The following GALNT11 variants were observed in gnomAD, a reference collection of about 807,000 sequenced individuals.
GALNT11 encodes UDP-GalNAc:polypeptide N-acetylgalactosaminyltransferase 11.
In GALNT11, 47 loss-of-function variants were observed where a neutral mutation model predicts 72.7. That is an observed-to-expected ratio of 0.65 (90% CI 0.51 to 0.82). GALNT11 has a LOEUF of 0.82. GALNT11 is among the 40% of genes least tolerant of loss of function. GALNT11 has a pLI of 0.00. For synonymous variants in GALNT11, 270 were observed against 286.6 expected (o/e 0.94, Z 0.58); for missense variants, 677 against 778.4 (o/e 0.87, Z 1.55).
intron 1 of GALNT11, among the ~76,000 whole-genome samples, chr7:152,049,787 A>G (rs1250650683): frequency 1.3e-5 from 2 of 152,132 alleles, no homozygotes; most frequent in Admixed American, 6.5e-5. Context: ...AACCTTAGGA[A>G]TCTACCTGGT....
At chr7:152,032,366 T>C (rs2082343568) in intron 1 of GALNT11, among the ~76,000 whole-genome samples, 1 of 152,034 alleles carries the variant, frequency 6.6e-6, no homozygotes, top group African/African-American at 2.4e-5. Flanking sequence ...GAAGGCATCC[T>C]TGAGGTCCAG....
intron 1 of GALNT11, among the ~76,000 whole-genome samples, chr7:152,031,709 G>A (rs933802988): frequency 2.0e-5 from 3 of 152,202 alleles, no homozygotes; most frequent in African/African-American, 4.8e-5. Context: ...TCTCTGTGAT[G>A]TATAAAGAGA....
intron 1 of GALNT11, among the ~76,000 whole-genome samples, chr7:152,047,707 T>TGTGTGTGTGTGC (rs1481789345): frequency 1.3e-5 from 2 of 151,776 alleles, no homozygotes; most frequent in African/African-American, 4.8e-5. Flanking sequence ...TGTGTGTGTG[T>TGTGTGTGTGTGC]GTGCGCACAC....
intron 1 of GALNT11, among the ~76,000 whole-genome samples, chr7:152,084,899 T>A (rs554837386): frequency 1.9e-3 from 288 of 152,086 alleles, no homozygotes; most frequent in Non-Finnish European, 3.2e-3. Flanking sequence ...TGGGATATCT[T>A]GGGTTCACAT....
intron 9 of GALNT11, 46 bp downstream of exon 9, chr7:152,117,421 A>G (rs1208560551): frequency 1.9e-6 from 3 of 1,594,850 alleles, no homozygotes; most frequent in Admixed American, 1.7e-5. Flanking sequence ...AGCGTTTGAT[A>G]TGAAAAGTTT....
chr7:152,081,964 G>T (rs948810680), intron 1 of GALNT11, among the ~76,000 whole-genome samples: 1 of 152,146 alleles, frequency 6.6e-6, no homozygotes, highest in Non-Finnish European at 1.5e-5. Flanking sequence ...TGTGTGGATA[G>T]TTCATAGTTT....
At chr7:152,074,628 A>T (rs569253147) in intron 1 of GALNT11, among the ~76,000 whole-genome samples, 1 of 151,870 alleles carries the variant, frequency 6.6e-6, no homozygotes, top group Non-Finnish European at 1.5e-5. Context: ...CTTTTAGTAT[A>T]TTTGGAACCC....
chr7:152,083,342 G>A (rs1335302824), intron 1 of GALNT11, among the ~76,000 whole-genome samples: 2 of 152,110 alleles, frequency 1.3e-5, no homozygotes, highest in Admixed American at 1.3e-4. Flanking sequence ...ATAAATGATG[G>A]GAGGAGTAGA....
chr7:152,120,735 T>C, intron 10 of GALNT11, 96 bp from the exon 11 acceptor site: 1 of 1,121,536 alleles, frequency 8.9e-7, no homozygotes, highest in Non-Finnish European at 1.3e-6. Context: ...TGTTTCTGCT[T>C]TGAGACCTTA....
chr7:152,050,356 G>A (rs942039810), intron 1 of GALNT11, among the ~76,000 whole-genome samples: 25 of 152,272 alleles, frequency 1.6e-4, no homozygotes, highest in Admixed American at 1.1e-3. Context: ...AGGTCCTTCC[G>A]TTCAAGGTAG....
At chr7:152,101,930 C>T (rs1211764800) in intron 3 of GALNT11, among the ~76,000 whole-genome samples, 1 of 152,062 alleles carries the variant, frequency 6.6e-6, no homozygotes, top group East Asian at 1.9e-4. Flanking sequence ...CTGCGCCTGG[C>T]CAGTTCATGG....
intron 8 of GALNT11, 136 bp downstream of exon 8, chr7:152,113,534 GT>G: frequency 1.1e-6 from 1 of 940,600 alleles, no homozygotes; most frequent in Non-Finnish European, 1.5e-6. Context: ...ACTCTTTCTA[GT>G]TTCCCCCCAC....
intron 4 of GALNT11, chr7:152,103,908 T>C (rs2087242151): frequency 6.5e-6 from 1 of 152,982 alleles, no homozygotes; most frequent in Non-Finnish European, 1.5e-5. Flanking sequence ...GCATGATGCC[T>C]TGGCTTATGC....
chr7:152,082,883 C>T (rs1461886421), intron 1 of GALNT11, among the ~76,000 whole-genome samples: 1 of 152,174 alleles, frequency 6.6e-6, no homozygotes, highest in Non-Finnish European at 1.5e-5. Context: ...ATTTGCACTT[C>T]TCTTAGTATA....
intron 1 of GALNT11, among the ~76,000 whole-genome samples, chr7:152,037,016 C>CT (rs2082613062): frequency 6.6e-6 from 1 of 152,140 alleles, no homozygotes; most frequent in African/African-American, 2.4e-5. Flanking sequence ...TTTGCAAATA[C>CT]TTTCTCCTGG....
At chr7:152,112,226 T>C (rs146721098) in intron 7 of GALNT11, among the ~76,000 whole-genome samples, 58 of 152,306 alleles carry the variant, frequency 3.8e-4, no homozygotes, top group Middle Eastern at 3.4e-3. Flanking sequence ...TGCAAATGTA[T>C]TGACTACAGT....
In GALNT11 at chr7:152,033,306, G is replaced by A. The variant is rs188313815; in HGVS notation, c.-39+7422G>A. Among the ~76,000 whole-genome samples, 121 of 152,318 alleles carry A rather than the reference G, an allele frequency of 7.9e-4. 1 individual carries two copies. The highest frequency in any genetic ancestry group is 2.8e-3 in the African/African-American group (115 of 41,566). On this transcript the variant is annotated intron_variant, in intron 1 of 11. Transcript: ENST00000430044. ...ACAAGCCCTACCGGGTGATTGGCCT[G>A]CTCCATTTTCTGTCCTTTCTGAACC...
chr7:152,032,679 G>A (rs1360224383), intron 1 of GALNT11, among the ~76,000 whole-genome samples: 3 of 152,124 alleles, frequency 2.0e-5, no homozygotes, highest in Non-Finnish European at 4.4e-5. Context: ...ATTTGGACTG[G>A]GCAGGCATTT....
At chr7:152,067,924 C>T (rs911901131) in intron 1 of GALNT11, among the ~76,000 whole-genome samples, 5 of 152,040 alleles carry the variant, frequency 3.3e-5, no homozygotes, top group Non-Finnish European at 7.4e-5. Flanking sequence ...GGAGCAGACA[C>T]GTCACATGGT....
Sources: allele counts gnomAD v4.1 joint callset (sites outside exome capture counted in the v4.1 genomes callset), GRCh38; gene constraint gnomAD v4.1.1; transcripts MANE v1.5; gene names NCBI Gene and HGNC (gene_info 2026-07-23, HGNC 2026-07-21).